The following TENM4 variants were observed in gnomAD, a reference collection of about 807,000 sequenced individuals.
TENM4 encodes the protein teneurin transmembrane protein 4.
A neutral mutation model predicts 243.3 loss-of-function variants in TENM4; 82 were observed. That is an observed-to-expected ratio of 0.34 (90% confidence interval 0.28 to 0.40). The LOEUF (loss-of-function observed/expected upper bound fraction) is 0.40. TENM4 is among the 10% of genes least tolerant of loss of function. TENM4 has a pLI of 1.00. For missense variants in TENM4, 3,138 were observed against 3,673.3 expected (o/e 0.85, Z 3.77); for synonymous variants, 1,412 against 1,456.3 (o/e 0.97, Z 0.69).
At chr11:78,666,817 G>A (rs887999797) in intron 32 of TENM4, among the ~76,000 whole-genome samples, 4 of 152,180 alleles carry the variant, frequency 2.6e-5, no homozygotes, top group African/African-American at 9.7e-5. Context: ...GTTTAAAGGA[G>A]AGCATATCTG....
chr11:78,792,305 G>C (rs1857073196), intron 15 of TENM4, among the ~76,000 whole-genome samples: 1 of 152,172 alleles, frequency 6.6e-6, no homozygotes, highest in Non-Finnish European at 1.5e-5. Context: ...TGGTCACCTA[G>C]CATGGCATCA....
At chr11:79,031,839 T>C (rs35221427) in intron 6 of TENM4, among the ~76,000 whole-genome samples, 12,869 of 152,186 alleles carry the variant, frequency 0.085, 640 homozygotes, top group Non-Finnish European at 0.11. Flanking sequence ...CAGGGGGTCA[T>C]AGAGCAATGT....
intron 3 of TENM4, among the ~76,000 whole-genome samples, chr11:79,162,142 T>C (rs1862759846): frequency 6.6e-6 from 1 of 152,210 alleles, no homozygotes; most frequent in South Asian, 2.1e-4. Flanking sequence ...CAAGACCCTG[T>C]GTGCAGATCT....
At chr11:79,279,529 C>G (rs534183169) in intron 2 of TENM4, among the ~76,000 whole-genome samples, 5 of 152,138 alleles carry the variant, frequency 3.3e-5, no homozygotes, top group Non-Finnish European at 5.9e-5. Context: ...CTTGGTCTCT[C>G]TATATGCCTC....
intron 18 of TENM4, among the ~76,000 whole-genome samples, chr11:78,761,107 TGTA>T (rs982030987): frequency 2.0e-5 from 3 of 152,226 alleles, no homozygotes; most frequent in African/African-American, 7.2e-5. Flanking sequence ...TTCTGCATGT[TGTA>T]GTTGTTGATT....
chr11:79,289,299 C>T (rs750942213), intron 2 of TENM4, among the ~76,000 whole-genome samples: 1 of 152,152 alleles, frequency 6.6e-6, no homozygotes, highest in African/African-American at 2.4e-5. Context: ...GAATGGCAGC[C>T]CACAGGCCAA....
intron 3 of TENM4, among the ~76,000 whole-genome samples, chr11:79,169,463 A>G (rs933950954): frequency 5.9e-5 from 9 of 152,144 alleles, no homozygotes; most frequent in Non-Finnish European, 1.2e-4. Context: ...GAACAGACTC[A>G]GGTCTTGGAA....
intron 16 of TENM4, among the ~76,000 whole-genome samples, chr11:78,785,946 C>T (rs552522943): frequency 6.6e-6 from 1 of 151,604 alleles, no homozygotes; most frequent in African/African-American, 2.4e-5. Flanking sequence ...AAGCCATGTG[C>T]TCACCATCTG....
chr11:78,879,526 G>A (rs377384318), intron 9 of TENM4, among the ~76,000 whole-genome samples: 16 of 115,590 alleles, frequency 1.4e-4, no homozygotes, highest in East Asian at 8.8e-4. Context: ...ACTGAGGAGC[G>A]CCTCTGCACG....
chr11:79,341,268 G>A (rs1241030038), intron 1 of TENM4, among the ~76,000 whole-genome samples: 2 of 152,204 alleles, frequency 1.3e-5, no homozygotes, highest in East Asian at 3.8e-4. Flanking sequence ...TAGCAGCGAT[G>A]GGAAACTGAG....
chr11:79,089,361 C>G (rs1319903548), intron 4 of TENM4, among the ~76,000 whole-genome samples: 1 of 152,138 alleles, frequency 6.6e-6, no homozygotes, highest in South Asian at 2.1e-4. Flanking sequence ...ATTCCACGAG[C>G]GCAAGGAAAG....
At chr11:79,058,381 A>T (rs1185807074) in intron 6 of TENM4, among the ~76,000 whole-genome samples, 1 of 151,964 alleles carries the variant, frequency 6.6e-6, no homozygotes, top group Admixed American at 6.6e-5. Context: ...GTCTCTACTA[A>T]AAATACAAAA....
chr11:78,944,239 T>C (rs1042003271), intron 6 of TENM4, among the ~76,000 whole-genome samples: 1 of 152,048 alleles, frequency 6.6e-6, no homozygotes, highest in South Asian at 2.1e-4. Context: ...CAGAAGCAGT[T>C]TGGGGTTCGT....
intron 1 of TENM4, among the ~76,000 whole-genome samples, chr11:79,365,225 G>A (rs1857656491): frequency 6.6e-6 from 1 of 152,124 alleles, no homozygotes; most frequent in Non-Finnish European, 1.5e-5. Flanking sequence ...TTACACATTA[G>A]GTAAGTGTCC....
chr11:79,254,436 T>C (rs1015475830), intron 2 of TENM4, among the ~76,000 whole-genome samples: 2 of 152,196 alleles, frequency 1.3e-5, no homozygotes, highest in Non-Finnish European at 2.9e-5. Flanking sequence ...AAATAAAATA[T>C]GAGCCTACAC....
At chr11:78,662,155 C>T (rs1206981539) in intron 32 of TENM4, among the ~76,000 whole-genome samples, 1 of 151,976 alleles carries the variant, frequency 6.6e-6, no homozygotes, top group Admixed American at 6.6e-5. Flanking sequence ...CTCTGACAGC[C>T]CAAGGATGCC....
At chr11:79,108,992 A>G (rs1435647091) in intron 4 of TENM4, among the ~76,000 whole-genome samples, 1 of 152,186 alleles carries the variant, frequency 6.6e-6, no homozygotes, top group African/African-American at 2.4e-5. Context: ...TCTGCCGCCC[A>G]GAAGGCCTGG....
intron 6 of TENM4, among the ~76,000 whole-genome samples, chr11:78,904,815 C>T (rs1163122036): frequency 6.6e-6 from 1 of 152,138 alleles, no homozygotes. Flanking sequence ...GTGTTATTGG[C>T]AAAGAAAGAA....
chr11:79,242,304 G>A (rs1371990884), intron 2 of TENM4, among the ~76,000 whole-genome samples: 1 of 152,110 alleles, frequency 6.6e-6, no homozygotes, highest in Non-Finnish European at 1.5e-5. Context: ...TAATGGTGAT[G>A]TTTTTTTCCT....
Sources: allele counts gnomAD v4.1 joint callset (sites outside exome capture counted in the v4.1 genomes callset), GRCh38; gene constraint gnomAD v4.1.1; transcripts MANE v1.5; gene names NCBI Gene and HGNC (gene_info 2026-07-23, HGNC 2026-07-21).